R3HDM2: variants seen among roughly 807,000 people sequenced by gnomAD.
R3HDM2 encodes the protein R3H domain containing 2.
R3HDM2 carries 38 observed loss-of-function variants against 124.5 expected under a neutral mutation model. The ratio of observed to expected loss-of-function variants is 0.31; its 90% confidence interval spans 0.24 to 0.40. R3HDM2 has a LOEUF of 0.40. R3HDM2 is among the 10% of genes least tolerant of loss of function. The pLI, the probability that R3HDM2 is intolerant of heterozygous loss-of-function variation, is 1.00. For missense variants in R3HDM2, 869 were observed against 1,236.9 expected (o/e 0.70, Z 4.46); for synonymous variants, 391 against 448.0 (o/e 0.87, Z 1.61).
At chr12:57,387,542 TA>T (rs907240956) in intron 2 of R3HDM2, among the ~76,000 whole-genome samples, 6 of 152,212 alleles carry the variant, frequency 3.9e-5, no homozygotes, top group Admixed American at 3.3e-4. Context: ...ATAGGTATTT[TA>T]AATTTTCTCA....
chr12:57,259,375 G>A (rs1299923405), intron 19 of R3HDM2, among the ~76,000 whole-genome samples: 10 of 152,188 alleles, frequency 6.6e-5, no homozygotes. Flanking sequence ...AAATGCCCAG[G>A]TCAGATTGCT....
chr12:57,416,925 C>T (rs755134472), intron 1 of R3HDM2, among the ~76,000 whole-genome samples: 3 of 151,778 alleles, frequency 2.0e-5, no homozygotes, highest in Non-Finnish European at 4.4e-5. Context: ...GCCTGGCCAA[C>T]ATGGTGAAAC....
chr12:57,281,554 T>G (rs2046142484), intron 13 of R3HDM2, among the ~76,000 whole-genome samples: 1 of 151,698 alleles, frequency 6.6e-6, no homozygotes, highest in Non-Finnish European at 1.5e-5. Context: ...GGCACGATCT[T>G]GGCTCACTGC....
chr12:57,389,202 T>C (rs138948863), intron 2 of R3HDM2, among the ~76,000 whole-genome samples: 19 of 152,286 alleles, frequency 1.2e-4, no homozygotes, highest in Admixed American at 3.3e-4. Flanking sequence ...TGAAGAGACA[T>C]TCGTTCATGC....
chr12:57,291,802 T>C (rs182800161), intron 11 of R3HDM2, among the ~76,000 whole-genome samples: 2 of 152,344 alleles, frequency 1.3e-5, no homozygotes, highest in South Asian at 2.1e-4. Flanking sequence ...TCTGGAGATT[T>C]GTTTCCCTCT....
chr12:57,324,635 A>G (rs1188438112), intron 2 of R3HDM2, among the ~76,000 whole-genome samples: 2 of 152,232 alleles, frequency 1.3e-5, no homozygotes, highest in African/African-American at 2.4e-5. Context: ...CCGATATCCA[A>G]TCATCTCTTT....
chr12:57,256,064 C>T lies in R3HDM2; in HGVS notation c.2558G>A (p.Gly853Glu), dbSNP rs750392493. Residue 853 changes from glycine (G) to glutamate (E), a missense_variant, in exon 23 of 24, where the codon GGA becomes GAA. Coordinates refer to ENST00000402412, the MANE Select transcript of R3HDM2 (RefSeq NM_001394031.1). The stretch of plus-strand genomic sequence containing the variant: ...CTTGCCCCGGTTTCCATGCTTCAGT[C>T]CACTCTGTCCCTTCAACATTTGAAA... ...STYTVHQGQS[G>E]LKHGNRGKRQ... 6.2e-7 allele frequency: 1 copy of T among 1,613,846 alleles called. No individual in the cohort carries two copies. Among genetic ancestry groups the T allele is most frequent in the South Asian group, 1.1e-5 (1 of 91,070 alleles).
intron 2 of R3HDM2, among the ~76,000 whole-genome samples, chr12:57,328,068 C>T (rs1317597934): frequency 7.2e-6 from 1 of 138,898 alleles, no homozygotes. Flanking sequence ...GGTAAATTCA[C>T]GTTATCTTTT....
At chr12:57,388,368 T>A (rs1287392505) in intron 2 of R3HDM2, among the ~76,000 whole-genome samples, 1 of 152,108 alleles carries the variant, frequency 6.6e-6, no homozygotes, top group African/African-American at 2.4e-5. Flanking sequence ...CCAAGACAGT[T>A]GTAGGTAAAG....
chr12:57,387,352 G>A (rs1016364568), intron 2 of R3HDM2, among the ~76,000 whole-genome samples: 1 of 152,004 alleles, frequency 6.6e-6, no homozygotes. Context: ...CCACCAGAAG[G>A]AAGAAACTCC....
At chr12:57,367,453 A>G (rs2062806187) in intron 2 of R3HDM2, among the ~76,000 whole-genome samples, 1 of 152,212 alleles carries the variant, frequency 6.6e-6, no homozygotes, top group Admixed American at 6.5e-5. Flanking sequence ...GCAAATTTCC[A>G]GAGCTCTCTT....
chr12:57,309,357 T>TA (rs2053440754), intron 3 of R3HDM2, among the ~76,000 whole-genome samples: 1 of 152,186 alleles, frequency 6.6e-6, no homozygotes, highest in Non-Finnish European at 1.5e-5. Flanking sequence ...GACCACAGAA[T>TA]AAGGGCTCTA....
Position 57,417,426 on chromosome 12 carries a change from GT to G in R3HDM2, c.-106+13293del, listed in dbSNP as rs1441566300. On this transcript the variant is annotated intron_variant, in intron 1 of 23. Transcript: ENST00000402412. ...GAGAGAGACTTCCACATGAAACTGG[GT>G]TTATATCCTGGCCACATGATGATGG... 2.6e-5 allele frequency among the ~76,000 whole-genome samples: 4 copies of G among 151,956 alleles called. No homozygotes were observed. The East Asian group carries it at 7.7e-4, about 29-fold the overall frequency.
chr12:57,322,368 T>C lies in R3HDM2; in HGVS notation c.-35-11905A>G, dbSNP rs558125553. Among the ~76,000 whole-genome samples the C allele has an allele frequency of 1.4e-4, 22 of 152,314 alleles. No individual in the cohort carries two copies. In the South Asian group the frequency reaches 3.9e-3, roughly 27 times the overall value. On this transcript the variant is annotated intron_variant, in intron 2 of 23. Coordinates refer to ENST00000402412, the MANE Select transcript of R3HDM2 (RefSeq NM_001394031.1). ...ACATCCACAGGGGTTAAGTGGTAGC[T>C]TAAAAACAAAACAGTCTAGGTGCTC...
chr12:57,424,938 C>T (rs1351248134), intron 1 of R3HDM2, among the ~76,000 whole-genome samples: 2 of 152,122 alleles, frequency 1.3e-5, no homozygotes, highest in East Asian at 3.8e-4. Flanking sequence ...TGAGCCTGGG[C>T]AACAAAGTGA....
intron 1 of R3HDM2, chr12:57,418,258 A>C (rs2069841105): frequency 2.0e-6 from 2 of 985,058 alleles, no homozygotes. Context: ...GAACCATCTC[A>C]CATTCATCTG....
In R3HDM2 at chr12:57,296,690, C is replaced by T; in HGVS notation, c.561-139G>A. The stretch of plus-strand genomic sequence containing the variant: ...ATATTATAAGGAATATAGATATTTA[C>T]TAAATGGGAACCAAATAGGTTTTTC... On this transcript the variant is annotated intron_variant, in intron 8 of 23. Coordinates refer to ENST00000402412, the MANE Select transcript of R3HDM2 (RefSeq NM_001394031.1). The surrounding 1 kb of genome is among the most constrained non-coding windows in gnomAD (Gnocchi z 4.5). 1.1e-6 allele frequency: 1 copy of T among 890,110 alleles called. No individual in the cohort carries two copies. The allele number at this position is 890,110 out of a possible 1,614,324, so 55.1% of individuals were successfully genotyped here.
chr12:57,330,827 T>C (rs1314790043), intron 2 of R3HDM2, among the ~76,000 whole-genome samples: 1 of 150,552 alleles, frequency 6.6e-6, no homozygotes, highest in African/African-American at 2.4e-5. Flanking sequence ...GCCTCCCAAG[T>C]AGCTGGGACT....
At chr12:57,297,291 C>T in intron 8 of R3HDM2, 37 bp downstream of exon 8, 1 of 1,151,590 alleles carries the variant, frequency 8.7e-7, no homozygotes, top group East Asian at 2.6e-5. Context: ...AGTGCCCCCT[C>T]CCACCTCTAA....
Sources: allele counts gnomAD v4.1 joint callset (sites outside exome capture counted in the v4.1 genomes callset), GRCh38; gene constraint gnomAD v4.1.1; non-coding constraint Gnocchi (gnomAD v3.1); transcripts MANE v1.5; gene names NCBI Gene and HGNC (gene_info 2026-07-23, HGNC 2026-07-21).